The following SASH1 variants were observed in gnomAD, a reference collection of about 807,000 sequenced individuals.
The protein encoded by SASH1 is SAM and SH3 domain-containing protein 1.
In SASH1, 44 loss-of-function variants were observed where a neutral mutation model predicts 125.2. The ratio of observed to expected loss-of-function variants is 0.35; its 90% CI spans 0.28 to 0.45. The LOEUF is 0.45. Among genes scored for constraint, SASH1 ranks in the 20% least tolerant of loss-of-function variants. The pLI is 1.00. For missense variants in SASH1, 1,426 were observed against 1,614.5 expected (o/e 0.88, Z 2.00); for synonymous variants, 639 against 649.1 (o/e 0.98, Z 0.24).
At chr6:148,372,264 T>G (rs986374307) in intron 1 of SASH1, among the ~76,000 whole-genome samples, 14 of 152,206 alleles carry the variant, frequency 9.2e-5, no homozygotes, top group African/African-American at 3.4e-4. Flanking sequence ...TAGTGGCTGT[T>G]TTGCAATATT....
chr6:148,242,622 A>G, the SASH1 span, among the ~76,000 whole-genome samples: 1 of 152,216 alleles, frequency 6.6e-6, no homozygotes, highest in African/African-American at 2.4e-5. Context: ...TCACAAGGTT[A>G]TTTACAAGTT....
intron 1 of SASH1, among the ~76,000 whole-genome samples, chr6:148,353,435 ATTT>A (rs377513066): frequency 1.6e-3 from 179 of 108,814 alleles, no homozygotes; most frequent in African/African-American, 5.6e-3. Context: ...TTTAAGATTG[ATTT>A]TTTTTTTTTT....
intron 1 of SASH1, among the ~76,000 whole-genome samples, chr6:148,380,989 T>G (rs923370193): frequency 6.6e-6 from 1 of 152,206 alleles, no homozygotes; most frequent in Admixed American, 6.5e-5. Flanking sequence ...TTAGTAAATA[T>G]TATTTGAATT....
chr6:148,537,069 A>C (rs1781888436), intron 16 of SASH1, among the ~76,000 whole-genome samples: 1 of 152,212 alleles, frequency 6.6e-6, no homozygotes, highest in African/African-American at 2.4e-5. Context: ...ATACAGTTAA[A>C]GTCATCGTGG....
chr6:148,509,536 G>A (rs545680159), intron 8 of SASH1, among the ~76,000 whole-genome samples: 11 of 152,240 alleles, frequency 7.2e-5, no homozygotes, highest in African/African-American at 2.4e-4. Flanking sequence ...CAGCGTGGTG[G>A]TCTCAAGCGG....
chr6:148,513,554 T>C (rs1780271264), intron 8 of SASH1: 3 of 985,472 alleles, frequency 3.0e-6, no homozygotes, highest in Non-Finnish European at 3.6e-6. Flanking sequence ...GAGAGAGATA[T>C]TTTTCCCTCT....
chr6:148,542,784 A>AACAT (rs1295171180), intron 17 of SASH1, among the ~76,000 whole-genome samples: 1 of 152,184 alleles, frequency 6.6e-6, no homozygotes, highest in African/African-American at 2.4e-5. Flanking sequence ...ATCAGTGTGG[A>AACAT]ACATACAGGT....
chr6:148,298,660 AG>A (rs1182440103), intron 1 of SASH1, among the ~76,000 whole-genome samples: 4 of 78,634 alleles, frequency 5.1e-5, no homozygotes, highest in South Asian at 1.3e-3. Flanking sequence ...GGAGGGAGGG[AG>A]GGAGGGAGGA....
In SASH1 at chr6:148,275,665, C is replaced by T. The variant is rs187913663; in HGVS notation, n.74+3288C>T. Among the ~76,000 whole-genome samples, 342 of 152,292 alleles carry T rather than the reference C, an allele frequency of 2.2e-3. 1 individual carries two copies. The highest frequency in any genetic ancestry group is 7.1e-3 in the African/African-American group (296 of 41,570). ...ATATTAGAAATTCCCCTCCCTAGCT[C>T]GCTTGCATTTCCATAAGATCTTAAA... On this transcript the variant is annotated intron_variant and non_coding_transcript_variant, in intron 1 of 3. Transcript: ENST00000367469.
the SASH1 span, among the ~76,000 whole-genome samples, chr6:148,199,618 A>C: frequency 2.6e-5 from 4 of 152,006 alleles, no homozygotes; most frequent in African/African-American, 4.8e-5. Context: ...GGACTGCTTC[A>C]GTCCGGGAGT....
intron 1 of SASH1, among the ~76,000 whole-genome samples, chr6:148,288,742 A>C (rs1311529013): frequency 6.6e-6 from 1 of 152,202 alleles, no homozygotes; most frequent in East Asian, 1.9e-4. Context: ...CTCTAAGATC[A>C]GAAAAATGTC....
chr6:148,356,509 T>TTTTTTTTTTTTTTG (rs1781945930), intron 1 of SASH1, among the ~76,000 whole-genome samples: 1 of 111,980 alleles, frequency 8.9e-6, no homozygotes, highest in Admixed American at 8.7e-5. Flanking sequence ...TTTTTTTTTT[T>TTTTTTTTTTTTTTG]TTTTTGAGAC....
At chr6:148,508,968 C>G in intron 8 of SASH1, 1 of 616,246 alleles carries the variant, frequency 1.6e-6, no homozygotes, top group Admixed American at 2.3e-5. Context: ...TATGATGTTT[C>G]TCTCTCTTTT....
the SASH1 span, among the ~76,000 whole-genome samples, chr6:148,261,626 C>T: frequency 6.6e-6 from 1 of 152,124 alleles, no homozygotes; most frequent in Non-Finnish European, 1.5e-5. Flanking sequence ...AGAACAGTCC[C>T]AGCGCCACCA....
chr6:148,513,494 T>C lies in SASH1; in HGVS notation c.730-830T>C, dbSNP rs1780268863. On this transcript the variant is annotated intron_variant, in intron 8 of 19. Transcript: ENST00000367467. Reference sequence around the variant, plus strand: ...TGGAGCTGACTTAGAAATGAAACCCTCATTTTGTTCACAAGGGAAGGATTG... The same window carrying C: ...TGGAGCTGACTTAGAAATGAAACCCCCATTTTGTTCACAAGGGAAGGATTG... The C allele has an allele frequency of 4.1e-6, 4 of 985,348 alleles. No homozygotes were observed. In the African/African-American group the frequency reaches 5.2e-5, roughly 13 times the overall value. 61.0% of individuals were successfully genotyped at this position (985,348 alleles called of 1,614,324 possible). A position where few individuals can be genotyped will look rare whatever the true frequency, so the allele number is the denominator to read the frequency against.
At chr6:148,547,938 G>A (rs1373834259) in intron 19 of SASH1, among the ~76,000 whole-genome samples, 2 of 152,140 alleles carry the variant, frequency 1.3e-5, no homozygotes, top group South Asian at 2.1e-4. Context: ...CATTTCACAC[G>A]ATCACCCAGA....
At chr6:148,430,919 A>G (rs1214136152) in intron 2 of SASH1, among the ~76,000 whole-genome samples, 1 of 152,236 alleles carries the variant, frequency 6.6e-6, no homozygotes, top group Non-Finnish European at 1.5e-5. Context: ...AAAGGACCCT[A>G]AAGATTATCA....
intron 16 of SASH1, among the ~76,000 whole-genome samples, chr6:148,536,252 A>G (rs1296019044): frequency 6.6e-6 from 1 of 152,166 alleles, no homozygotes; most frequent in East Asian, 1.9e-4. Flanking sequence ...TAAAGCATCT[A>G]TTGTCCCGAA....
intron 8 of SASH1, among the ~76,000 whole-genome samples, chr6:148,505,489 T>G (rs1779746561): frequency 6.6e-6 from 1 of 152,058 alleles, no homozygotes; most frequent in African/African-American, 2.4e-5. Context: ...TTTTGTATTT[T>G]TAGTAGAGAC....
Sources: gnomAD v4.1 joint callset for allele counts (sites outside exome capture counted in the v4.1 genomes callset) on GRCh38, gnomAD v4.1.1 for gene constraint, MANE v1.5 for transcripts, NCBI Gene and HGNC (gene_info 2026-07-23, HGNC 2026-07-21) for gene names.